The following SPOCK3 variants were observed in gnomAD, a reference collection of about 807,000 sequenced individuals.
The protein encoded by SPOCK3 is SPARC (osteonectin), cwcv and kazal like domains proteoglycan 3.
Under a neutral mutation model 56.6 loss-of-function variants are expected in SPOCK3, and 30 were observed. That is an observed-to-expected ratio of 0.53 (90% CI 0.40 to 0.72). SPOCK3 has a LOEUF of 0.72. SPOCK3 is among the 30% of genes least tolerant of loss of function. SPOCK3 has a pLI of 0.00. For synonymous variants in SPOCK3, 196 were observed against 183.3 expected, an observed-to-expected ratio of 1.07 and a Z score of -0.56; for missense variants, 527 against 530.0, an observed-to-expected ratio of 0.99 and a Z score of 0.06.
At chr4:167,136,879 T>C (rs945699152) in intron 2 of SPOCK3, among the ~76,000 whole-genome samples, 40 of 152,042 alleles carry the variant, frequency 2.6e-4, no homozygotes, top group African/African-American at 8.7e-4. Context: ...TAATGTTAGA[T>C]TTCCAGTGCT....
chr4:166,859,199 A>G (rs1730990989), intron 6 of SPOCK3, among the ~76,000 whole-genome samples: 1 of 152,206 alleles, frequency 6.6e-6, no homozygotes, highest in South Asian at 2.1e-4. Flanking sequence ...ATCTAGGTTT[A>G]TGTAAGTGCA....
rs371566562 is a variant in SPOCK3, at chr4:167,011,099, GA to G, written c.236-10637del. ...ATCAAAACTCACAATTGGTGAAACA[GA>G]AAAAAAAAGAGATAATCTTAGATTG... On this transcript the variant is annotated intron_variant, in intron 3 of 10. Coordinates refer to ENST00000357545, the MANE Select transcript of SPOCK3 (RefSeq NM_001040159.2). 9.7e-3 allele frequency: 2,371 copies of G among 243,908 alleles called. 51 individuals are homozygous for G. The highest frequency in any genetic ancestry group is 0.049 in the African/African-American group (2,155 of 44,244). The allele number at this position is 243,908 out of a possible 1,614,324, so 15.1% of individuals were successfully genotyped here. A position where few individuals can be genotyped will look rare whatever the true frequency, so the allele number is the denominator to read the frequency against.
At chr4:167,060,705 C>T (rs573275856) in intron 3 of SPOCK3, among the ~76,000 whole-genome samples, 1 of 152,028 alleles carries the variant, frequency 6.6e-6, no homozygotes, top group African/African-American at 2.4e-5. Flanking sequence ...AAAATATCAT[C>T]GGGATGCCAT....
intron 2 of SPOCK3, among the ~76,000 whole-genome samples, chr4:167,105,053 A>G (rs754906610): frequency 1.3e-5 from 2 of 152,108 alleles, no homozygotes; most frequent in African/African-American, 4.8e-5. Flanking sequence ...GCTTTCTAAG[A>G]CAAACAAAAG....
chr4:167,136,277 AGT>A (rs977674326), intron 2 of SPOCK3, among the ~76,000 whole-genome samples: 7 of 150,304 alleles, frequency 4.7e-5, no homozygotes, highest in Admixed American at 4.0e-4. Flanking sequence ...AGTGTGTGTG[AGT>A]GTGTGTGTGT....
intron 2 of SPOCK3, among the ~76,000 whole-genome samples, chr4:167,140,273 A>C (rs1203860318): frequency 3.3e-5 from 5 of 152,114 alleles, no homozygotes; most frequent in African/African-American, 1.2e-4. Flanking sequence ...ATTTAAGACA[A>C]GAAATCTTGC....
At chr4:166,815,279 A>G (rs1217720625) in intron 6 of SPOCK3, among the ~76,000 whole-genome samples, 2 of 151,592 alleles carry the variant, frequency 1.3e-5, no homozygotes, top group Non-Finnish European at 2.9e-5. Context: ...AGTAAAAAAA[A>G]GACCTATGAC....
intron 4 of SPOCK3, among the ~76,000 whole-genome samples, chr4:166,943,910 C>A (rs1741406711): frequency 6.6e-6 from 1 of 152,120 alleles, no homozygotes; most frequent in South Asian, 2.1e-4. Context: ...CTTTGGGAGG[C>A]CAAGGTGGGC....
intron 4 of SPOCK3, among the ~76,000 whole-genome samples, chr4:166,913,905 A>C (rs934665053): frequency 6.6e-6 from 1 of 152,146 alleles, no homozygotes; most frequent in Admixed American, 6.6e-5. Flanking sequence ...TACAAAGTTC[A>C]TCTTATAATA....
intron 3 of SPOCK3, among the ~76,000 whole-genome samples, chr4:167,007,004 G>A (rs1225900127): frequency 2.0e-5 from 3 of 152,118 alleles, no homozygotes; most frequent in Non-Finnish European, 2.9e-5. Flanking sequence ...CTTAAGGGAA[G>A]TTTTTGTTGT....
rs138864426 is a variant in SPOCK3 at position 166,992,655 on chromosome 4, C to T, written c.350+7694G>A. Among the ~76,000 whole-genome samples the T allele has an allele frequency of 7.9e-5, 12 of 152,246 alleles. No individual in the cohort carries two copies. In the East Asian group the frequency reaches 1.2e-3, roughly 15 times the overall value. ...AACCTGAGCATTTTAATCTTCATCT[C>T]TTAAGGATATTTGATTAAGAGATAT... is the stretch of plus-strand genomic sequence containing the variant. On this transcript the variant is annotated intron_variant, in intron 4 of 10. Transcript: ENST00000357545.
chr4:166,761,895 T>TAAAAAAA (rs748340803), intron 7 of SPOCK3, among the ~76,000 whole-genome samples: 4 of 103,432 alleles, frequency 3.9e-5, no homozygotes, highest in Non-Finnish European at 4.0e-5. Context: ...TAGAGTATAA[T>TAAAAAAA]AAAAAAAAAA....
intron 2 of SPOCK3, among the ~76,000 whole-genome samples, chr4:167,155,182 C>A (rs1334621990): frequency 6.6e-6 from 1 of 152,088 alleles, no homozygotes; most frequent in African/African-American, 2.4e-5. Flanking sequence ...GTGGTGCAAT[C>A]TTGGCTCACT....
In SPOCK3 at chr4:166,921,616, C is replaced by T. The variant is rs1018416558; in HGVS notation, c.351-8873G>A. Among the ~76,000 whole-genome samples the T allele has an allele frequency of 9.2e-5, 14 of 152,204 alleles. No homozygotes were observed. The South Asian group carries it at 1.2e-3, about 14-fold the overall frequency. ...CAGGCATGAGCCACTGCACCCAGCCCGTGTTGACTCTTTATTGGTATAACC... is the reference window on the plus strand; with the variant it reads ...CAGGCATGAGCCACTGCACCCAGCCTGTGTTGACTCTTTATTGGTATAACC... On this transcript the variant is annotated intron_variant, in intron 4 of 10. Coordinates refer to ENST00000357545, the MANE Select transcript of SPOCK3 (RefSeq NM_001040159.2).
intron 7 of SPOCK3, among the ~76,000 whole-genome samples, chr4:166,776,367 T>G (rs564010273): frequency 3.9e-5 from 6 of 152,110 alleles, no homozygotes; most frequent in African/African-American, 1.4e-4. Context: ...GAGCCGAGAT[T>G]GCACCACTGC....
intron 6 of SPOCK3, among the ~76,000 whole-genome samples, chr4:166,800,774 A>G (rs1424100197): frequency 6.6e-6 from 1 of 152,144 alleles, no homozygotes; most frequent in Non-Finnish European, 1.5e-5. Context: ...TTGATTAGTG[A>G]AAGAAAATAT....
intron 3 of SPOCK3, among the ~76,000 whole-genome samples, chr4:167,039,818 T>C (rs1023359464): frequency 2.0e-5 from 3 of 152,252 alleles, no homozygotes. Flanking sequence ...GTATGAATGT[T>C]ATGTATATAT....
chr4:167,044,797 T>C (rs560898870), intron 3 of SPOCK3, among the ~76,000 whole-genome samples: 1 of 152,242 alleles, frequency 6.6e-6, no homozygotes, highest in Admixed American at 6.5e-5. Context: ...TGATTTTTAT[T>C]ACTTTAATTT....
intron 2 of SPOCK3, among the ~76,000 whole-genome samples, chr4:167,136,709 T>C (rs187640700): frequency 7.9e-5 from 12 of 152,272 alleles, no homozygotes; most frequent in Middle Eastern, 3.4e-3. Flanking sequence ...TTTATAATTT[T>C]TTAAAATACC....
Sources: gnomAD v4.1 joint callset for allele counts (sites outside exome capture counted in the v4.1 genomes callset) on GRCh38, gnomAD v4.1.1 for gene constraint, MANE v1.5 for transcripts, NCBI Gene and HGNC (gene_info 2026-07-23, HGNC 2026-07-21) for gene names.